Variants in MKLN1 observed in about 807,000 individuals in gnomAD.
MKLN1 encodes the protein muskelin 1.
In MKLN1, 18 loss-of-function variants were observed where a neutral mutation model predicts 99.0. The ratio of observed to expected loss-of-function variants is 0.18; its 90% confidence interval spans 0.13 to 0.27. The LOEUF is 0.27. Ranked by LOEUF, MKLN1 falls within the 10% of genes least tolerant of loss-of-function variation. The probability of loss-of-function intolerance (pLI) is 1.00; values close to 1 mark genes in which losing one functional copy is unlikely to be tolerated. For missense variants in MKLN1, 621 were observed against 875.9 expected (o/e 0.71, Z 3.67); for synonymous variants, 288 against 293.2 (o/e 0.98, Z 0.18).
chr7:131,288,450 T>A (rs1383281461), intron 3 of MKLN1, among the ~76,000 whole-genome samples: 2 of 152,238 alleles, frequency 1.3e-5, no homozygotes, highest in Non-Finnish European at 2.9e-5. Context: ...TCAAATGATT[T>A]TCAAAATCCC....
At chr7:131,327,844 TC>T, upstream of MKLN1, 1 of 1,596,690 alleles carries the variant, frequency 6.3e-7, no homozygotes, top group East Asian at 2.2e-5. Flanking sequence ...CCACGCCCCC[TC>T]CCCTCCTCCC....
intron 1 of MKLN1, among the ~76,000 whole-genome samples, chr7:131,344,540 C>A (rs562029147): frequency 1.3e-5 from 2 of 152,248 alleles, no homozygotes; most frequent in African/African-American, 2.4e-5. Flanking sequence ...TGGGATTACA[C>A]GTAGACCTTC....
chr7:131,410,461 A>AATAGCTTTTAT (rs1234287666), intron 6 of MKLN1, among the ~76,000 whole-genome samples: 2 of 152,190 alleles, frequency 1.3e-5, no homozygotes, highest in African/African-American at 4.8e-5. Context: ...TGCTGTTAGT[A>AATAGCTTTTAT]CTTTTATCTT....
intron 3 of MKLN1, among the ~76,000 whole-genome samples, chr7:131,227,872 C>T (rs542116502): frequency 2.0e-5 from 3 of 151,572 alleles, no homozygotes; most frequent in Non-Finnish European, 2.9e-5. Context: ...GGCCTTCACT[C>T]GTATTTCATT....
intron 1 of MKLN1, among the ~76,000 whole-genome samples, chr7:131,119,975 C>G (rs1795336497): frequency 6.6e-6 from 1 of 152,124 alleles, no homozygotes; most frequent in Non-Finnish European, 1.5e-5. Flanking sequence ...GTTCTAGTTT[C>G]AAGTCATTTC....
At chr7:131,206,116 A>G (rs56067017) in intron 3 of MKLN1, among the ~76,000 whole-genome samples, 2,086 of 151,698 alleles carry the variant, frequency 0.014, 26 homozygotes, top group Non-Finnish European at 0.021. Context: ...CTGGTCTCGA[A>G]CTCCTGACCT....
upstream of MKLN1, among the ~76,000 whole-genome samples, chr7:131,325,599 A>G (rs965220726): frequency 2.0e-5 from 3 of 152,064 alleles, no homozygotes; most frequent in African/African-American, 7.2e-5. Flanking sequence ...TGGGAGGCTG[A>G]GGCAGCATGA....
At position 131,259,806 on chromosome 7, in the gene MKLN1, A is replaced by G. The variant is rs527491095; in HGVS notation, c.-179+56832A>G. On this transcript the variant is annotated intron_variant, in intron 3 of 7. Transcript: ENST00000416992. ...CCAGAACTTTTTTATTATTCCAAAC[A>G]GAAACTCTACACTCATTAAGAATAA... Among the ~76,000 whole-genome samples, 381 of 152,340 alleles carry G rather than the reference A, an allele frequency of 2.5e-3. 2 individuals carry two copies. Among genetic ancestry groups the G allele is most frequent in the African/African-American group, 8.5e-3 (354 of 41,580 alleles).
chr7:131,467,303 C>T (rs1286124677), intron 15 of MKLN1, among the ~76,000 whole-genome samples: 1 of 152,094 alleles, frequency 6.6e-6, no homozygotes, highest in African/African-American at 2.4e-5. Context: ...AATCTGCCCT[C>T]AAGTGTCCGT....
intron 2 of MKLN1, among the ~76,000 whole-genome samples, chr7:131,197,899 C>T (rs1222205364): frequency 2.0e-5 from 3 of 151,872 alleles, no homozygotes; most frequent in Admixed American, 1.3e-4. Flanking sequence ...TGCAGTGGCA[C>T]CATCTCAGGT....
intron 8 of MKLN1, among the ~76,000 whole-genome samples, chr7:131,420,444 G>T (rs1176646409): frequency 1.3e-5 from 2 of 152,120 alleles, no homozygotes; most frequent in Non-Finnish European, 2.9e-5. Context: ...TAGAAAAATG[G>T]TGTAACCATT....
chr7:131,414,624 A>T, intron 7 of MKLN1, 21 bp from the exon 8 acceptor site: 1 of 1,556,722 alleles, frequency 6.4e-7, no homozygotes. Context: ...CCTTTAAAAG[A>T]AACTATTATT....
intron 2 of MKLN1, among the ~76,000 whole-genome samples, chr7:131,167,196 G>T (rs1450060466): frequency 1.3e-5 from 2 of 152,230 alleles, no homozygotes; most frequent in East Asian, 3.9e-4. Context: ...CTGTTTTCAA[G>T]GGTATGATGA....
intron 2 of MKLN1, among the ~76,000 whole-genome samples, chr7:131,175,908 C>T (rs79626360): frequency 9.9e-6 from 1 of 101,176 alleles, no homozygotes; most frequent in Non-Finnish European, 2.4e-5. Flanking sequence ...CAAAAAAAAA[C>T]CAAAAAACAA....
rs1443804708 is a variant in MKLN1 at position 131,443,576 on chromosome 7, A to G, written c.1269A>G (p.Pro423=). 6.2e-7 allele frequency: 1 copy of G among 1,613,872 alleles called. No individual in the cohort carries two copies. Among genetic ancestry groups the G allele is most frequent in the East Asian group, 2.2e-5 (1 of 44,878 alleles). ...TAGATGACAGCAGAGCCAGTGAACC[A>G]CAATTCAGTGGCTTGTTTGCTTTCA... ...GSVDDSRASE[P]QFSGLFAFNC... Residue 423 remains proline, a synonymous_variant, in exon 11 of 18, where the codon CCA becomes CCG. Transcript: ENST00000352689.
intron 1 of MKLN1, among the ~76,000 whole-genome samples, chr7:131,340,274 GC>G (rs1376536916): frequency 9.3e-6 from 1 of 107,110 alleles, no homozygotes; most frequent in Non-Finnish European, 1.9e-5. Context: ...TGTAATTACG[GC>G]TTTTTTTTTT....
intron 1 of MKLN1, among the ~76,000 whole-genome samples, chr7:131,360,336 TTTCTA>T (rs1164879622): frequency 1.3e-5 from 2 of 152,188 alleles, no homozygotes; most frequent in African/African-American, 2.4e-5. Context: ...TTGTAACTGT[TTTCTA>T]TTTACTGTAC....
intron 3 of MKLN1, among the ~76,000 whole-genome samples, chr7:131,220,168 A>G (rs965895933): frequency 1.3e-5 from 2 of 152,212 alleles, no homozygotes; most frequent in African/African-American, 4.8e-5. Context: ...ACCCTTTCAC[A>G]AGATAGTGCC....
intron 2 of MKLN1, among the ~76,000 whole-genome samples, chr7:131,183,837 T>C (rs1286823342): frequency 6.6e-6 from 1 of 152,136 alleles, no homozygotes; most frequent in Non-Finnish European, 1.5e-5. Flanking sequence ...GAGCCAATTC[T>C]TGAATCTTTG....
Sources: gnomAD v4.1 joint callset for allele counts (sites outside exome capture counted in the v4.1 genomes callset) on GRCh38, gnomAD v4.1.1 for gene constraint, MANE v1.5 for transcripts, NCBI Gene and HGNC (gene_info 2026-07-23, HGNC 2026-07-21) for gene names.